Variants in RTN4IP1 observed in about 807,000 individuals in gnomAD.
RTN4IP1 encodes the protein NAD(P)H oxidoreductase RTN4IP1, mitochondrial.
RTN4IP1 carries 32 observed loss-of-function variants against 46.6 expected under a neutral mutation model. The ratio of observed to expected loss-of-function variants is 0.69; its 90% CI spans 0.52 to 0.92. The LOEUF is 0.92. Among genes scored for constraint, RTN4IP1 ranks in the 40% least tolerant of loss-of-function variants. The pLI, the probability that RTN4IP1 is intolerant of heterozygous loss-of-function variation, is 0.00. For synonymous variants in RTN4IP1, 167 were observed against 161.8 expected, an observed-to-expected ratio of 1.03 and a Z score of -0.24; for missense variants, 424 against 485.8, an observed-to-expected ratio of 0.87 and a Z score of 1.20.
chr6:106,577,623 CA>C (rs1775261717), intron 8 of RTN4IP1, among the ~76,000 whole-genome samples: 2 of 151,988 alleles, frequency 1.3e-5, no homozygotes, highest in Admixed American at 6.6e-5. Context: ...TCCTGATTCC[CA>C]AAATGTGTGA....
chr6:106,584,072 T>C (rs1775428483), intron 7 of RTN4IP1, among the ~76,000 whole-genome samples: 1 of 152,170 alleles, frequency 6.6e-6, no homozygotes, highest in African/African-American at 2.4e-5. Flanking sequence ...CCAAGAGGGT[T>C]CATGACCACT....
chr6:106,612,012 C>T (rs1776237143), intron 4 of RTN4IP1, among the ~76,000 whole-genome samples: 2 of 152,094 alleles, frequency 1.3e-5, no homozygotes, highest in African/African-American at 4.8e-5. Context: ...GGGAATGTAT[C>T]CCCCCAAATG....
rs1236763622 is a variant in RTN4IP1, at chr6:106,571,721, G to A, written c.*275C>T. The A allele has an allele frequency of 2.2e-5, 8 of 357,842 alleles. No individual in the cohort carries two copies. The highest frequency in any genetic ancestry group is 3.2e-5 in the South Asian group (1 of 31,664). 22.2% of individuals were successfully genotyped at this position (357,842 alleles called of 1,614,324 possible). On this transcript the variant is annotated 3_prime_UTR_variant, in exon 9 of 9. Coordinates refer to ENST00000369063, the MANE Select transcript of RTN4IP1 (RefSeq NM_032730.5). ...CAAAAAAGACAATAAAGTAGTTTAA[G>A]CTAGTAAAACAGAAGGTGCCACAAC...
At chr6:106,614,182 T>C (rs1013457996) in intron 4 of RTN4IP1, among the ~76,000 whole-genome samples, 2 of 152,200 alleles carry the variant, frequency 1.3e-5, no homozygotes, top group Non-Finnish European at 2.9e-5. Context: ...ATAGCTGGCA[T>C]ATAAAAGGAA....
chr6:106,619,212 T>C lies in RTN4IP1; in HGVS notation c.610A>G (p.Thr204Ala), dbSNP rs926190328. 8.1e-6 allele frequency: 13 copies of C among 1,614,034 alleles called. No homozygotes were observed. Among genetic ancestry groups the C allele is most frequent in the African/African-American group, 4.0e-5 (3 of 74,932 alleles). ...GACTGATACACTTACCGTTTTCCTG[T>C]GCAATTCTTGTCATTCAGGCCACCA... ...KVGGLNDKNC[T>A]GKRVLILGAS... The change falls in exon 4 of 9, where the codon ACA (threonine) becomes GCA (alanine). Residue 204 changes from threonine to alanine, a missense_variant. Coordinates refer to ENST00000369063, the MANE Select transcript of RTN4IP1 (RefSeq NM_032730.5).
intron 6 of RTN4IP1, among the ~76,000 whole-genome samples, chr6:106,588,607 A>C (rs769141772): frequency 6.6e-6 from 1 of 152,244 alleles, no homozygotes; most frequent in Non-Finnish European, 1.5e-5. Context: ...ACTATATTCT[A>C]TTGAAAAGGG....
chr6:106,628,742 A>G lies in RTN4IP1; in HGVS notation c.274+6T>C. ...AAAAAGGTAACAATGTCTTTTGAAA[A>G]CTTACTTCTCATATTAACGTCTATA... On this transcript the variant is annotated splice_donor_region_variant and intron_variant, in intron 1 of 8. Coordinates refer to ENST00000369063, the MANE Select transcript of RTN4IP1 (RefSeq NM_032730.5). 6.3e-7 allele frequency: 1 copy of G among 1,595,054 alleles called. No homozygotes were observed. The highest frequency in any genetic ancestry group is 1.1e-5 in the South Asian group (1 of 89,388).
chr6:106,630,362 C>G (rs1776796812), upstream of RTN4IP1, among the ~76,000 whole-genome samples: 1 of 151,756 alleles, frequency 6.6e-6, no homozygotes, highest in Non-Finnish European at 1.5e-5. Context: ...TCTGGTATTT[C>G]TGAATTCTTA....
chr6:106,629,041 G>C lies in RTN4IP1; in HGVS notation c.-20C>G. On this transcript the variant is annotated 5_prime_UTR_variant, in exon 1 of 9. Coordinates refer to ENST00000369063, the MANE Select transcript of RTN4IP1 (RefSeq NM_032730.5). ...TTCCATTGTAAACACTGGTTGAACT[G>C]CGTGCTCAAATTCAAATACACTTGG... 6.3e-7 allele frequency: 1 copy of C among 1,593,312 alleles called. No individual in the cohort carries two copies. Among genetic ancestry groups the C allele is most frequent in the South Asian group, 1.1e-5 (1 of 89,468 alleles).
At chr6:106,613,779 TAC>T (rs148505946) in intron 4 of RTN4IP1, among the ~76,000 whole-genome samples, 3 of 152,332 alleles carry the variant, frequency 2.0e-5, no homozygotes, top group East Asian at 3.9e-4. Context: ...AGGAAACATT[TAC>T]AGTCTATTCT....
chr6:106,571,703 G>T lies in RTN4IP1; in HGVS notation c.*293C>A. The T allele has an allele frequency of 3.3e-6, 1 of 304,886 alleles. No individual in the cohort carries two copies. Among genetic ancestry groups the T allele is most frequent in the Non-Finnish European group, 6.2e-6 (1 of 160,884 alleles). 18.9% of individuals were successfully genotyped at this position (304,886 alleles called of 1,614,324 possible). ...GAGACCCTGTCTCTAAAACAAAAAAGACAATAAAGTAGTTTAAGCTAGTAA... is the reference window on the plus strand; with the variant it reads ...GAGACCCTGTCTCTAAAACAAAAAATACAATAAAGTAGTTTAAGCTAGTAA... On this transcript the variant is annotated 3_prime_UTR_variant, in exon 9 of 9. Coordinates refer to ENST00000369063, the MANE Select transcript of RTN4IP1 (RefSeq NM_032730.5).
rs549313164 is a variant in RTN4IP1, at chr6:106,606,410, ACT to A, written c.621-3490_621-3489del. Among the ~76,000 whole-genome samples, 46 of 152,296 alleles carry A rather than the reference ACT, an allele frequency of 3.0e-4. No homozygotes were observed. The East Asian group carries it at 6.7e-3, about 22-fold the overall frequency. On this transcript the variant is annotated intron_variant, in intron 4 of 8. Coordinates refer to ENST00000369063, the MANE Select transcript of RTN4IP1 (RefSeq NM_032730.5). ...CCTCCAGCCTGGGTTACAGAGCAACACTCTGTCTCCAAAAAGAAATTTTTTTA... is the reference window on the plus strand; with the variant it reads ...CCTCCAGCCTGGGTTACAGAGCAACACTGTCTCCAAAAAGAAATTTTTTTA...
rs554756055 is a variant in RTN4IP1, at chr6:106,571,678, G to C, written c.*318C>G. On this transcript the variant is annotated 3_prime_UTR_variant, in exon 9 of 9. Coordinates refer to ENST00000369063, the MANE Select transcript of RTN4IP1 (RefSeq NM_032730.5). ...TGCACTCCAGCCTGGGTGACACAGC[G>C]AGACCCTGTCTCTAAAACAAAAAAG... is the stretch of plus-strand genomic sequence containing the variant. 2.2e-4 allele frequency: 57 copies of C among 256,642 alleles called. No individual in the cohort carries two copies. The highest frequency in any genetic ancestry group is 1.2e-3 in the African/African-American group (51 of 43,628). The allele number at this position is 256,642 out of a possible 1,614,324, so 15.9% of individuals were successfully genotyped here.
chr6:106,587,899 G>C (rs766334185), intron 6 of RTN4IP1, 37 bp from the exon 7 acceptor site: 3 of 1,555,024 alleles, frequency 1.9e-6, no homozygotes, highest in South Asian at 2.3e-5. Flanking sequence ...ATGGTTGTCA[G>C]GCTTTACACT....
chr6:106,616,430 C>T (rs1340342523), intron 4 of RTN4IP1, among the ~76,000 whole-genome samples: 1 of 152,032 alleles, frequency 6.6e-6, no homozygotes, highest in South Asian at 2.1e-4. Context: ...CCTATAAAAT[C>T]TTCCAAGGTG....
In RTN4IP1 at chr6:106,621,443, A is replaced by T; in HGVS notation, c.477T>A (p.Val159=). 6.2e-7 allele frequency: 1 copy of T among 1,613,908 alleles called. No homozygotes were observed. The highest frequency in any genetic ancestry group is 8.5e-7 in the Non-Finnish European group (1 of 1,179,812). The stretch of plus-strand genomic sequence containing the variant: ...AAGTTACCTCATTCCCACTGACTAC[A>T]ACAAACTCTGAAAGAGTGCCTTGTT... ...PWKQGTLSEF[V]VVSGNEVSHK... is the part of the protein sequence containing the mutation. The change falls in exon 3 of 9, where the codon GTT becomes GTA. Residue 159 remains valine, a synonymous_variant. Transcript: ENST00000369063.
chr6:106,629,677 G>A (rs1270842533), upstream of RTN4IP1: 1 of 1,605,450 alleles, frequency 6.2e-7, no homozygotes, highest in South Asian at 1.1e-5. Context: ...CTGGGCACGA[G>A]GACCATGCTG....
intron 4 of RTN4IP1, among the ~76,000 whole-genome samples, chr6:106,605,407 A>G (rs1447987554): frequency 6.7e-6 from 1 of 148,548 alleles, no homozygotes; most frequent in African/African-American, 2.5e-5. Context: ...GCCTGGCAAC[A>G]GAGCGAGACC....
intron 7 of RTN4IP1, among the ~76,000 whole-genome samples, chr6:106,584,107 C>T (rs530354811): frequency 7.9e-5 from 12 of 152,228 alleles, no homozygotes; most frequent in Non-Finnish European, 1.6e-4. Flanking sequence ...AAATGTTATT[C>T]TTTGTTTATT....
Sources: allele counts gnomAD v4.1 joint callset (sites outside exome capture counted in the v4.1 genomes callset), GRCh38; gene constraint gnomAD v4.1.1; transcripts MANE v1.5; gene names NCBI Gene and HGNC (gene_info 2026-07-23, HGNC 2026-07-21).